Variants in CSMD1 observed in about 807,000 individuals in gnomAD.
CSMD1 encodes the protein CUB and Sushi multiple domains 1.
Under a neutral mutation model 417.5 loss-of-function variants are expected in CSMD1, and 213 were observed. The observed-to-expected ratio is 0.51, with a 90% confidence interval of 0.46 to 0.57. The LOEUF is 0.57. CSMD1 is among the 20% of genes least tolerant of loss of function. The pLI, the probability that CSMD1 is intolerant of heterozygous loss-of-function variation, is 0.00. For missense variants in CSMD1, 6,923 were observed against 4,529.7 expected, an observed-to-expected ratio of 1.53 and a Z score of -15.17; for synonymous variants, 2,862 against 1,736.8, an observed-to-expected ratio of 1.65 and a Z score of -16.11.
chr8:4,842,372 C>G (rs958223527), intron 1 of CSMD1, among the ~76,000 whole-genome samples: 2 of 152,156 alleles, frequency 1.3e-5, no homozygotes, highest in Non-Finnish European at 1.5e-5. Flanking sequence ...AAAACTTCTT[C>G]TTAATTTTTA....
At chr8:4,982,234 G>A (rs1025828076) in intron 1 of CSMD1, among the ~76,000 whole-genome samples, 1 of 152,214 alleles carries the variant, frequency 6.6e-6, no homozygotes, top group Non-Finnish European at 1.5e-5. Context: ...GCTGTTTGAA[G>A]CTGTTGCGTT....
At chr8:3,513,980 C>T (rs1171235764) in intron 10 of CSMD1, among the ~76,000 whole-genome samples, 1 of 152,146 alleles carries the variant, frequency 6.6e-6, no homozygotes, top group African/African-American at 2.4e-5. Context: ...GAGAAGGTAG[C>T]AGATTCCAAT....
intron 4 of CSMD1, among the ~76,000 whole-genome samples, chr8:4,028,137 AG>A (rs1421425430): frequency 6.6e-6 from 1 of 152,208 alleles, no homozygotes; most frequent in Non-Finnish European, 1.5e-5. Context: ...GAACATGAAG[AG>A]AAAATGAGCA....
At chr8:3,309,575 A>G (rs1194269133) in intron 23 of CSMD1, among the ~76,000 whole-genome samples, 1 of 152,230 alleles carries the variant, frequency 6.6e-6, no homozygotes, top group Non-Finnish European at 1.5e-5. Context: ...AGACAGTCTT[A>G]CAGTAACATA....
chr8:4,237,989 T>G (rs1430843177), intron 3 of CSMD1, among the ~76,000 whole-genome samples: 2 of 152,190 alleles, frequency 1.3e-5, no homozygotes, highest in Non-Finnish European at 2.9e-5. Context: ...GACAGAGGCA[T>G]GCACAGGCCT....
intron 5 of CSMD1, among the ~76,000 whole-genome samples, chr8:3,992,512 T>C (rs201697857): frequency 2.0e-5 from 3 of 152,214 alleles, no homozygotes; most frequent in Admixed American, 6.5e-5. Context: ...GGACTGGCTG[T>C]TGTGGCTCAT....
rs558281672 is a variant in CSMD1 at position 4,718,114 on chromosome 8, C to G, written c.86-80556G>C. Among the ~76,000 whole-genome samples the G allele has an allele frequency of 2.6e-3, 403 of 152,210 alleles. 5 individuals carry two copies. The highest frequency in any genetic ancestry group is 9.4e-3 in the African/African-American group (392 of 41,514). On this transcript the variant is annotated intron_variant, in intron 1 of 69. Coordinates refer to ENST00000635120, the MANE Select transcript of CSMD1 (RefSeq NM_033225.6). ...CACTTCCTCAAAGTACCTGGTATGA[C>G]AGGCACATGCCACCATGCCCAGCAT...
chr8:4,415,543 G>A (rs942947215), intron 3 of CSMD1, among the ~76,000 whole-genome samples: 33 of 152,176 alleles, frequency 2.2e-4, no homozygotes, highest in African/African-American at 7.5e-4. Context: ...TATAAAGCCG[G>A]AATGACTATT....
intron 3 of CSMD1, among the ~76,000 whole-genome samples, chr8:4,295,818 G>T (rs1158048537): frequency 7.3e-6 from 1 of 136,118 alleles, no homozygotes; most frequent in Admixed American, 7.9e-5. Context: ...AAAATTTAAA[G>T]TTAATTCTCC....
At chr8:3,185,324 G>A (rs754193892) in intron 36 of CSMD1, among the ~76,000 whole-genome samples, 4 of 152,150 alleles carry the variant, frequency 2.6e-5, no homozygotes, top group Non-Finnish European at 4.4e-5. Context: ...GGAGATTGTT[G>A]TTATTTTTCA....
intron 2 of CSMD1, among the ~76,000 whole-genome samples, chr8:4,476,629 G>C (rs1382362566): frequency 2.0e-5 from 3 of 152,136 alleles, no homozygotes; most frequent in Non-Finnish European, 4.4e-5. Context: ...ACTGCCTTTA[G>C]AAATAGCAAC....
chr8:4,718,238 A>T (rs562674447), intron 1 of CSMD1, among the ~76,000 whole-genome samples: 1 of 152,318 alleles, frequency 6.6e-6, no homozygotes, highest in South Asian at 2.1e-4. Context: ...CAGCCTCCCA[A>T]AATGTTGGGA....
At chr8:3,773,025 G>C (rs1329309127) in intron 5 of CSMD1, among the ~76,000 whole-genome samples, 1 of 152,114 alleles carries the variant, frequency 6.6e-6, no homozygotes, top group African/African-American at 2.4e-5. Flanking sequence ...CCTCCTCCCT[G>C]TACCTTCCCA....
At chr8:4,518,442 A>C (rs1467496664) in intron 2 of CSMD1, among the ~76,000 whole-genome samples, 1 of 152,172 alleles carries the variant, frequency 6.6e-6, no homozygotes, top group East Asian at 1.9e-4. Flanking sequence ...CATATAAGAC[A>C]TAAACGTGAT....
intron 21 of CSMD1, among the ~76,000 whole-genome samples, chr8:3,349,387 C>G (rs1198156744): frequency 6.6e-6 from 1 of 152,130 alleles, no homozygotes. Flanking sequence ...TGATTGCCCC[C>G]CAGTGATTTG....
At position 4,015,689 on chromosome 8, in the gene CSMD1, G is replaced by C. The variant is rs989920192; in HGVS notation, c.610+16216C>G. The stretch of plus-strand genomic sequence containing the variant: ...AAAAAAAAAAAAAAAAAAAACTCAA[G>C]ACAGCTGCTACATCCCATTTTATCT... On this transcript the variant is annotated intron_variant, in intron 4 of 69. Transcript: ENST00000635120. Among the ~76,000 whole-genome samples, 5 of 99,690 alleles carry C rather than the reference G, an allele frequency of 5.0e-5. No individual in the cohort carries two copies. In the South Asian group the frequency reaches 1.2e-3, roughly 25 times the overall value. 65.4% of individuals were successfully genotyped at this position (99,690 alleles called of 152,430 possible).
intron 3 of CSMD1, among the ~76,000 whole-genome samples, chr8:4,208,044 G>C (rs955728183): frequency 2.0e-5 from 3 of 152,146 alleles, no homozygotes; most frequent in East Asian, 3.8e-4. Context: ...GTAAATATAT[G>C]AGGGTAATTC....
intron 50 of CSMD1, among the ~76,000 whole-genome samples, chr8:3,048,250 T>C (rs1221783309): frequency 6.6e-6 from 1 of 152,052 alleles, no homozygotes; most frequent in Non-Finnish European, 1.5e-5. Flanking sequence ...AACTGGGAGA[T>C]GTTATTTTAA....
At chr8:3,951,006 C>T (rs1811561338) in intron 5 of CSMD1, among the ~76,000 whole-genome samples, 1 of 152,106 alleles carries the variant, frequency 6.6e-6, no homozygotes, top group South Asian at 2.1e-4. Context: ...TCAACTGAGC[C>T]CCGTTTCTGA....
Sources: gnomAD v4.1 joint callset for allele counts (sites outside exome capture counted in the v4.1 genomes callset) on GRCh38, gnomAD v4.1.1 for gene constraint, MANE v1.5 for transcripts, NCBI Gene and HGNC (gene_info 2026-07-23, HGNC 2026-07-21) for gene names.